The following FBXO25 variants were observed in gnomAD, a reference collection of about 807,000 sequenced individuals.
FBXO25 encodes F-box protein 25, also known as F-box only protein 25.
A neutral mutation model predicts 51.9 loss-of-function variants in FBXO25; 45 were observed. That is an observed-to-expected ratio of 0.87 (90% CI 0.68 to 1.11). The LOEUF (loss-of-function observed/expected upper bound fraction) is 1.11. Ranked by LOEUF, FBXO25 falls within the 50% of genes most tolerant of loss-of-function variation. The pLI, the probability that FBXO25 is intolerant of heterozygous loss-of-function variation, is 0.00. For missense variants in FBXO25, 507 were observed against 428.5 expected (o/e 1.18, Z -1.62); for synonymous variants, 199 against 151.0 (o/e 1.32, Z -2.33).
chr8:421,962 C>T (rs1797181834), intron 2 of FBXO25, among the ~76,000 whole-genome samples: 1 of 152,098 alleles, frequency 6.6e-6, no homozygotes, highest in Non-Finnish European at 1.5e-5. Flanking sequence ...GATATGAATA[C>T]ATAAATGAAT....
chr8:407,379 G>C (rs935569067), intron 1 of FBXO25: 1 of 983,776 alleles, frequency 1.0e-6, no homozygotes, highest in African/African-American at 1.8e-5. Flanking sequence ...GTCCGCGGGC[G>C]CGTCAGGTAG....
intron 2 of FBXO25, among the ~76,000 whole-genome samples, chr8:426,914 A>G (rs1241707522): frequency 1.3e-5 from 2 of 152,104 alleles, no homozygotes; most frequent in African/African-American, 2.4e-5. Flanking sequence ...TAGGAAGGAA[A>G]TGTTAATGCT....
intron 5 of FBXO25, among the ~76,000 whole-genome samples, chr8:438,361 T>C: frequency 6.6e-6 from 1 of 152,220 alleles, no homozygotes. Flanking sequence ...GCCCAGCCTG[T>C]ATCTTTCAAC....
chr8:443,047 A>G (rs1030841202), intron 5 of FBXO25, among the ~76,000 whole-genome samples: 5 of 151,994 alleles, frequency 3.3e-5, no homozygotes, highest in African/African-American at 1.2e-4. Context: ...CCACTCAGAA[A>G]TGGCCATTTC....
At chr8:456,270 T>A (rs1799423251) in intron 7 of FBXO25, among the ~76,000 whole-genome samples, 4 of 152,116 alleles carry the variant, frequency 2.6e-5, no homozygotes, top group African/African-American at 9.7e-5. Flanking sequence ...AGTGCAGTGG[T>A]TCAGTCATAG....
chr8:451,266 C>A lies in FBXO25; in HGVS notation c.476-3C>A. The A allele has an allele frequency of 1.3e-6, 2 of 1,583,426 alleles. No homozygotes were observed. The highest frequency in any genetic ancestry group is 1.7e-6 in the Non-Finnish European group (2 of 1,169,274). On this transcript the variant is annotated splice_polypyrimidine_tract_variant and splice_region_variant and intron_variant, in intron 6 of 9. Transcript: ENST00000350302. ...TCCATAGTTTTATTTTTATTTATTCCAGTTCTTGATGACCACCACAATCCT... is the reference window on the plus strand; with the variant it reads ...TCCATAGTTTTATTTTTATTTATTCAAGTTCTTGATGACCACCACAATCCT...
intron 5 of FBXO25, among the ~76,000 whole-genome samples, chr8:440,835 G>A (rs1249817131): frequency 6.8e-6 from 1 of 146,864 alleles, no homozygotes; most frequent in African/African-American, 2.5e-5. Flanking sequence ...AGAACATGTG[G>A]TGTTTGGTTT....
intron 4 of FBXO25, among the ~76,000 whole-genome samples, chr8:434,217 A>G (rs1221452246): frequency 1.3e-5 from 2 of 152,106 alleles, no homozygotes; most frequent in African/African-American, 4.8e-5. Context: ...CTGCTTGTCC[A>G]TGCTGGCTGG....
At chr8:450,141 G>A in intron 6 of FBXO25, 58 bp downstream of exon 6, 3 of 1,289,092 alleles carry the variant, frequency 2.3e-6, no homozygotes, top group Non-Finnish European at 2.2e-6. Context: ...TTGGTGCAAG[G>A]AGATGGGATT....
chr8:419,641 C>T (rs1322965033), intron 2 of FBXO25, among the ~76,000 whole-genome samples: 3 of 152,058 alleles, frequency 2.0e-5, no homozygotes, highest in African/African-American at 7.2e-5. Context: ...GTACAGCTCA[C>T]ATTTTATACA....
At chr8:455,699 C>G (rs1191050853) in intron 7 of FBXO25, among the ~76,000 whole-genome samples, 1 of 152,146 alleles carries the variant, frequency 6.6e-6, no homozygotes, top group East Asian at 1.9e-4. Flanking sequence ...TATCCTAAAG[C>G]AAGAGAAGCA....
At chr8:429,203 G>A (rs1444822307) in intron 2 of FBXO25, among the ~76,000 whole-genome samples, 1 of 149,842 alleles carries the variant, frequency 6.7e-6, no homozygotes, top group Non-Finnish European at 1.5e-5. Flanking sequence ...GTCAACACTT[G>A]TTAGTTTCTT....
chr8:459,880 CAAAG>C (rs1307751969), intron 8 of FBXO25, among the ~76,000 whole-genome samples: 4 of 152,120 alleles, frequency 2.6e-5, no homozygotes, highest in South Asian at 2.1e-4. Context: ...ATTAATAGGA[CAAAG>C]AAAAGCCTGT....
intron 2 of FBXO25, among the ~76,000 whole-genome samples, chr8:426,879 C>A (rs1487987091): frequency 2.0e-5 from 3 of 148,164 alleles, no homozygotes; most frequent in African/African-American, 7.3e-5. Flanking sequence ...TGTTAAGAGT[C>A]CGTAAGTGTG....
intron 5 of FBXO25, among the ~76,000 whole-genome samples, chr8:437,132 C>T (rs3936436): frequency 2.4e-4 from 36 of 152,096 alleles, no homozygotes; most frequent in Non-Finnish European, 4.6e-4. Context: ...ATTTACTTTT[C>T]TAAACAGAAA....
At chr8:462,921 T>A in intron 8 of FBXO25, 86 bp from the exon 9 acceptor site, 1 of 1,472,108 alleles carries the variant, frequency 6.8e-7, no homozygotes, top group Admixed American at 2.3e-5. Flanking sequence ...AATTAAAAAC[T>A]AAAATAAAAT....
intron 2 of FBXO25, among the ~76,000 whole-genome samples, chr8:428,100 C>A (rs1252088199): frequency 6.6e-6 from 1 of 152,164 alleles, no homozygotes; most frequent in East Asian, 1.9e-4. Context: ...GTTCTTGGCT[C>A]TTGTTTACTT....
chr8:442,594 C>G (rs1303529538), intron 5 of FBXO25, among the ~76,000 whole-genome samples: 1 of 152,074 alleles, frequency 6.6e-6, no homozygotes, highest in Non-Finnish European at 1.5e-5. Context: ...CTCAGCTTCC[C>G]GAGTAGCTGG....
At position 409,276 on chromosome 8, in the gene FBXO25, G is replaced by A. The variant is rs542085050; in HGVS notation, c.-8+2210G>A. Among the ~76,000 whole-genome samples, 3 of 152,282 alleles carry A rather than the reference G, an allele frequency of 2.0e-5. No homozygotes were observed. In the East Asian group the frequency reaches 5.8e-4, roughly 29 times the overall value. On this transcript the variant is annotated intron_variant, in intron 1 of 9. Transcript: ENST00000350302. Reference sequence around the variant, plus strand: ...AAGAAAAACTTCATTGTGATCCATAGAGCATACCATAACAAATCTGTGAAG... The same window carrying A: ...AAGAAAAACTTCATTGTGATCCATAAAGCATACCATAACAAATCTGTGAAG...
Sources: gnomAD v4.1 joint callset for allele counts (sites outside exome capture counted in the v4.1 genomes callset) on GRCh38, gnomAD v4.1.1 for gene constraint, MANE v1.5 for transcripts, NCBI Gene and HGNC (gene_info 2026-07-23, HGNC 2026-07-21) for gene names.